Variants in WWOX observed in about 807,000 individuals in gnomAD.
The protein encoded by WWOX is WW domain containing oxidoreductase.
WWOX carries 69 observed loss-of-function variants against 46.2 expected under a neutral mutation model. That is an observed-to-expected ratio of 1.49 (90% CI 1.23 to 1.82). The LOEUF (loss-of-function observed/expected upper bound fraction) is 1.82, where lower values mean the gene tolerates loss of function less well. Among genes scored for constraint, WWOX ranks in the 40% most tolerant of loss-of-function variants. The pLI, the probability that WWOX is intolerant of heterozygous loss-of-function variation, is 0.00. For missense variants in WWOX, 919 were observed against 542.6 expected, an observed-to-expected ratio of 1.69 and a Z score of -6.89; for synonymous variants, 359 against 202.6, an observed-to-expected ratio of 1.77 and a Z score of -6.56.
chr16:78,193,710 G>C (rs1041269854), intron 5 of WWOX, among the ~76,000 whole-genome samples: 2 of 152,116 alleles, frequency 1.3e-5, no homozygotes, highest in African/African-American at 4.8e-5. Context: ...ATGCTTACAA[G>C]AAGAAGGGTA....
rs564133904 is a variant in WWOX, at chr16:78,679,444, G to T, written c.1056+246692G>T. 5.3e-5 allele frequency among the ~76,000 whole-genome samples: 8 copies of T among 152,278 alleles called. No homozygotes were observed. The South Asian group carries it at 1.7e-3, about 32-fold the overall frequency. ...TGTGGGCCTGTAATCCCAGCTACTTGTGAGGCTGAGGCAGGAGAGTCACTT... is the reference window on the plus strand; with the variant it reads ...TGTGGGCCTGTAATCCCAGCTACTTTTGAGGCTGAGGCAGGAGAGTCACTT... On this transcript the variant is annotated intron_variant, in intron 8 of 8. Coordinates refer to ENST00000566780, the MANE Select transcript of WWOX (RefSeq NM_016373.4).
At chr16:79,004,127 A>G (rs992330993) in intron 8 of WWOX, 1 of 152,106 alleles carries the variant, frequency 6.6e-6, no homozygotes, top group Non-Finnish European at 1.5e-5. Flanking sequence ...TTATCTCTTT[A>G]TCATCCGTCT....
intron 8 of WWOX, among the ~76,000 whole-genome samples, chr16:78,878,966 C>A (rs2044287835): frequency 6.8e-6 from 1 of 146,676 alleles, no homozygotes; most frequent in African/African-American, 2.5e-5. Context: ...ATTCAGGAGG[C>A]TGAGGTGGGA....
chr16:78,960,931 G>C (rs973803526), intron 8 of WWOX, among the ~76,000 whole-genome samples: 1 of 152,158 alleles, frequency 6.6e-6, no homozygotes, highest in Non-Finnish European at 1.5e-5. Context: ...GCTTGCTTTG[G>C]GTCCCAAATT....
chr16:78,834,428 C>T (rs1230179792), intron 8 of WWOX, among the ~76,000 whole-genome samples: 1 of 152,086 alleles, frequency 6.6e-6, no homozygotes, highest in African/African-American at 2.4e-5. Flanking sequence ...TTTCTGTGCC[C>T]CTCAGCTCCT....
At chr16:78,649,104 G>A (rs920365851) in intron 8 of WWOX, among the ~76,000 whole-genome samples, 2 of 152,020 alleles carry the variant, frequency 1.3e-5, no homozygotes, top group Non-Finnish European at 2.9e-5. Context: ...CTCCCAAGTA[G>A]CTGAGATTAC....
intron 7 of WWOX, among the ~76,000 whole-genome samples, chr16:78,428,167 A>G (rs913309918): frequency 5.0e-4 from 76 of 152,264 alleles, no homozygotes; most frequent in African/African-American, 1.7e-3. Flanking sequence ...GTTACTGTCC[A>G]CAGAGCAAAT....
At chr16:78,134,572 T>C (rs868645588) in intron 4 of WWOX, among the ~76,000 whole-genome samples, 1 of 152,200 alleles carries the variant, frequency 6.6e-6, no homozygotes, top group African/African-American at 2.4e-5. Context: ...CTTTAATTTC[T>C]GTACATCAAT....
chr16:78,321,347 TACGTATATATGCGTATATATATAC>T lies in WWOX; in HGVS notation c.517-65512_517-65489del, dbSNP rs1379645427. Among the ~76,000 whole-genome samples, 30 of 55,722 alleles carry T rather than the reference TACGTATATATGCGTATATATATAC, an allele frequency of 5.4e-4. 4 individuals carry two copies. The highest frequency in any genetic ancestry group is 2.9e-3 in the African/African-American group (30 of 10,214). 36.6% of individuals were successfully genotyped at this position (55,722 alleles called of 152,430 possible). On this transcript the variant is annotated intron_variant, in intron 5 of 8. Transcript: ENST00000566780. ...ATATACGTATATATGCGTATATATA[TACGTATATATGCGTATATATATAC>T]GTATATATGCGTATATATATACGTA...
intron 5 of WWOX, among the ~76,000 whole-genome samples, chr16:78,335,947 C>A (rs2080879465): frequency 6.6e-6 from 1 of 151,790 alleles, no homozygotes; most frequent in African/African-American, 2.4e-5. Context: ...TAAAAATTTG[C>A]CGGGTGTAGT....
chr16:78,860,725 G>A lies in WWOX; in HGVS notation c.1057-350883G>A, dbSNP rs987094799. Among the ~76,000 whole-genome samples, 4 of 152,214 alleles carry A rather than the reference G, an allele frequency of 2.6e-5. No individual in the cohort carries two copies. The East Asian group carries it at 7.7e-4, about 29-fold the overall frequency. On this transcript the variant is annotated intron_variant, in intron 8 of 8. Transcript: ENST00000566780. Reference sequence around the variant, plus strand: ...CCAACATCCGCTTTAGTGCTCTGCTGCACTGCAAAATGTGTGGATGTTCTT... The same window carrying A: ...CCAACATCCGCTTTAGTGCTCTGCTACACTGCAAAATGTGTGGATGTTCTT...
At chr16:78,363,215 C>T (rs1459227516) in intron 5 of WWOX, among the ~76,000 whole-genome samples, 2 of 151,708 alleles carry the variant, frequency 1.3e-5, no homozygotes, top group African/African-American at 2.4e-5. Flanking sequence ...AAATGTATTC[C>T]TGTCAATTCC....
chr16:79,043,777 T>C (rs2048016227), intron 8 of WWOX, among the ~76,000 whole-genome samples: 1 of 152,204 alleles, frequency 6.6e-6, no homozygotes, highest in South Asian at 2.1e-4. Context: ...CCTTTCTTTC[T>C]CTGGTCCTCA....
intron 4 of WWOX, among the ~76,000 whole-genome samples, chr16:78,119,231 G>C (rs2032968500): frequency 6.6e-6 from 1 of 152,196 alleles, no homozygotes; most frequent in African/African-American, 2.4e-5. Flanking sequence ...TTTGGTAAAA[G>C]CAACGGAAAT....
chr16:78,320,408 TGACTG>T lies in WWOX; in HGVS notation c.517-66451_517-66447del, dbSNP rs561217126. 1.7e-4 allele frequency among the ~76,000 whole-genome samples: 26 copies of T among 152,346 alleles called. No homozygotes were observed. In the East Asian group the frequency reaches 4.8e-3, roughly 28 times the overall value. On this transcript the variant is annotated intron_variant, in intron 5 of 8. Coordinates refer to ENST00000566780, the MANE Select transcript of WWOX (RefSeq NM_016373.4). ...TGAACTCCAAGTAGACGGTTGAACATGACTGAACTTGCACAGTGGACACATTGTGC... is the reference window on the plus strand; with the variant it reads ...TGAACTCCAAGTAGACGGTTGAACATAACTTGCACAGTGGACACATTGTGC...
At chr16:79,038,413 C>G (rs150669509) in intron 8 of WWOX, among the ~76,000 whole-genome samples, 3 of 151,848 alleles carry the variant, frequency 2.0e-5, no homozygotes, top group Non-Finnish European at 4.4e-5. Context: ...GAAAAAATTA[C>G]TAAGATATGT....
At chr16:79,137,482 C>G (rs2050004625) in intron 8 of WWOX, among the ~76,000 whole-genome samples, 5 of 152,178 alleles carry the variant, frequency 3.3e-5, no homozygotes, top group African/African-American at 9.7e-5. Flanking sequence ...GGATTCTCTT[C>G]AGGTAGTTTC....
At chr16:78,197,469 A>C (rs1290662938) in intron 5 of WWOX, among the ~76,000 whole-genome samples, 2 of 152,214 alleles carry the variant, frequency 1.3e-5, no homozygotes, top group African/African-American at 2.4e-5. Context: ...GTCCATCAAA[A>C]TGTCTTTGGG....
chr16:78,484,001 T>TC (rs2084564893), intron 8 of WWOX, among the ~76,000 whole-genome samples: 1 of 152,218 alleles, frequency 6.6e-6, no homozygotes, highest in African/African-American at 2.4e-5. Flanking sequence ...CCTTACTTTT[T>TC]AGACATAATT....
Sources: gnomAD v4.1 joint callset for allele counts (sites outside exome capture counted in the v4.1 genomes callset) on GRCh38, gnomAD v4.1.1 for gene constraint, MANE v1.5 for transcripts, NCBI Gene and HGNC (gene_info 2026-07-23, HGNC 2026-07-21) for gene names.